Variants in PPRC1 observed in about 807,000 individuals in gnomAD.
PPRC1 encodes peroxisome proliferator-activated receptor gamma coactivator-related protein 1.
In PPRC1, 23 loss-of-function variants were observed where a neutral mutation model predicts 132.5. That is an observed-to-expected ratio of 0.17 (90% CI 0.12 to 0.25). PPRC1 has a LOEUF of 0.25. Ranked by LOEUF, PPRC1 falls within the 10% of genes least tolerant of loss-of-function variation. PPRC1 has a pLI of 1.00. For missense variants in PPRC1, 2,006 were observed against 2,089.1 expected (o/e 0.96, Z 0.78); for synonymous variants, 872 against 833.5 (o/e 1.05, Z -0.80).
chr10:102,122,973 C>T, the PPRC1 span, among the ~76,000 whole-genome samples: 1 of 152,168 alleles, frequency 6.6e-6, no homozygotes, highest in African/African-American at 2.4e-5. Flanking sequence ...TTGAACTTGC[C>T]TGTAAAACAC....
At chr10:102,128,818 G>C (rs2068500221), upstream of PPRC1, among the ~76,000 whole-genome samples, 2 of 149,620 alleles carry the variant, frequency 1.3e-5, no homozygotes, top group Admixed American at 1.3e-4. Flanking sequence ...GTTTCACCAT[G>C]TTAGCCAGGA....
At position 102,148,708 on chromosome 10, in the gene PPRC1, C is replaced by G. The variant is rs1420967559; in HGVS notation, c.4617+14C>G. The G allele has an allele frequency of 6.2e-7, 1 of 1,614,142 alleles. No homozygotes were observed. Among genetic ancestry groups the G allele is most frequent in the Non-Finnish European group, 8.5e-7 (1 of 1,179,980 alleles). ...GAGCGTGCAATAGTGAGTAGAGGAA[C>G]AGATCATGGGAGGATGGGGCTTACC... On this transcript the variant is annotated intron_variant, in intron 11 of 13. Transcript: ENST00000278070. This position sits in a 1 kb window ranked among gnomAD's most constrained non-coding sequence, Gnocchi z 4.2.
Position 102,147,050 on chromosome 10 carries a change from C to A in PPRC1, c.4058C>A (p.Pro1353Gln). The A allele has an allele frequency of 6.2e-7, 1 of 1,614,148 alleles. No individual in the cohort carries two copies. Among genetic ancestry groups the A allele is most frequent in the South Asian group, 1.1e-5 (1 of 91,082 alleles). ...CCATGCATAGCTGCCTCCCGGGAGC[C>A]GCTTGATCACAGGACTAGCAGTGAG... ...PPPCIAASRE[P>Q]LDHRTSSEQA... The change falls in exon 9 of 14, where the codon CCG becomes CAG. Residue 1353 changes from proline (P) to glutamine (Q), a missense_variant. Physicochemically the swap from Pro to Gln is moderately conservative, Grantham distance 76. Transcript: ENST00000278070.
chr10:102,126,026 C>T, the PPRC1 span, among the ~76,000 whole-genome samples: 1 of 152,100 alleles, frequency 6.6e-6, no homozygotes, highest in African/African-American at 2.4e-5. Context: ...CCATGCCCGG[C>T]TAATATTTTG....
At chr10:102,132,080 A>G (rs933993763), upstream of PPRC1, among the ~76,000 whole-genome samples, 5 of 152,194 alleles carry the variant, frequency 3.3e-5, no homozygotes, top group Non-Finnish European at 7.3e-5. Flanking sequence ...AAAGCAAATC[A>G]CCAATTTGTG....
the PPRC1 span, among the ~76,000 whole-genome samples, chr10:102,127,038 TA>T: frequency 1.9e-5 from 1 of 53,748 alleles, no homozygotes; most frequent in Non-Finnish European, 5.7e-5. Context: ...TATATATATA[TA>T]TATATATATA....
intron 7 of PPRC1, 197 bp from the exon 8 acceptor site, chr10:102,144,823 A>T (rs1399817963): frequency 5.3e-6 from 3 of 567,882 alleles, no homozygotes; most frequent in Admixed American, 6.3e-5. Context: ...GCCTCTTGGA[A>T]TTGGGCAGGG....
chr10:102,123,665 G>T, the PPRC1 span, among the ~76,000 whole-genome samples: 2 of 151,850 alleles, frequency 1.3e-5, no homozygotes, highest in East Asian at 3.9e-4. Flanking sequence ...TGAGTAGCTG[G>T]GATTACAGGC....
intron 7 of PPRC1, 100 bp downstream of exon 7, chr10:102,144,407 G>A: frequency 1.7e-6 from 2 of 1,147,748 alleles, no homozygotes; most frequent in South Asian, 1.3e-5. Context: ...CAGGGACGCT[G>A]TAGTCAGCTC....
At position 102,146,661 on chromosome 10, in the gene PPRC1, C is replaced by T; in HGVS notation, c.3680-11C>T. The stretch of plus-strand genomic sequence containing the variant: ...TCATCCTGCTATCTCCATCCTCCCT[C>T]CCCACCACAGGGCTCACCCCTCCAG... On this transcript the variant is annotated splice_polypyrimidine_tract_variant and intron_variant, in intron 8 of 13. Transcript: ENST00000278070. 2 of 1,595,930 alleles carry T rather than the reference C, an allele frequency of 1.3e-6. No homozygotes were observed. Among genetic ancestry groups the T allele is most frequent in the East Asian group, 2.2e-5 (1 of 44,618 alleles).
At chr10:102,132,855 A>C, upstream of PPRC1, 1 of 557,226 alleles carries the variant, frequency 1.8e-6, no homozygotes. Context: ...GCCTGCAGCT[A>C]GTGCCAAACG....
chr10:102,146,745 C>T lies in PPRC1; in HGVS notation c.3753C>T (p.Ala1251=), dbSNP rs1284615623. 2.5e-6 allele frequency: 4 copies of T among 1,614,056 alleles called. No individual in the cohort carries two copies. Among genetic ancestry groups the T allele is most frequent in the Non-Finnish European group, 3.4e-6 (4 of 1,180,004 alleles). ...PLAAVSLLAK[A]KSPKSTAQEG... is the part of the protein sequence containing the mutation. Reference sequence around the variant, plus strand: ...CTGCTGTCTCACTGCTGGCCAAAGCCAAATCTCCTAAGTCCACCGCCCAGG... The same window carrying T: ...CTGCTGTCTCACTGCTGGCCAAAGCTAAATCTCCTAAGTCCACCGCCCAGG... The change falls in exon 9 of 14, where the codon GCC becomes GCT. Residue 1251 remains alanine (A), a synonymous_variant. Coordinates refer to ENST00000278070, the MANE Select transcript of PPRC1 (RefSeq NM_015062.5).
Position 102,147,168 on chromosome 10 carries a change from C to G in PPRC1, c.4176C>G (p.Pro1392=), listed in dbSNP as rs373153969. 1.9e-5 allele frequency: 31 copies of G among 1,614,078 alleles called. No homozygotes were observed. The highest frequency in any genetic ancestry group is 2.5e-5 in the Non-Finnish European group (30 of 1,180,052). Residue 1392 remains proline (P), a synonymous_variant, in exon 9 of 14, where the codon CCC becomes CCG. Transcript: ENST00000278070. ...GGAATGACATGAACACTAGGACTCC[C>G]CCTGAACCCTCAGCCAAGCAGCGGT... ...PCRNDMNTRT[P]PEPSAKQRSM...
Position 102,148,557 on chromosome 10 carries a change from A to T in PPRC1, c.4550+36A>T. ...GTTCAGGGAGCGCCATGCACCTGGG[A>T]TGCAGGTGCCTAAGAGTTGAGTCTT... On this transcript the variant is annotated intron_variant, in intron 10 of 13. Coordinates refer to ENST00000278070, the MANE Select transcript of PPRC1 (RefSeq NM_015062.5). This position sits in a 1 kb window ranked among gnomAD's most constrained non-coding sequence, Gnocchi z 4.2. 6.2e-7 allele frequency: 1 copy of T among 1,610,432 alleles called. No homozygotes were observed. Among genetic ancestry groups the T allele is most frequent in the Non-Finnish European group, 8.5e-7 (1 of 1,176,616 alleles).
At position 102,144,883 on chromosome 10, in the gene PPRC1, GGAA is replaced by G. The variant is rs1449358406; in HGVS notation, c.3609-131_3609-129del. On this transcript the variant is annotated intron_variant, in intron 7 of 13. Coordinates refer to ENST00000278070, the MANE Select transcript of PPRC1 (RefSeq NM_015062.5). Reference sequence around the variant, plus strand: ...TCAGTCAATAAGACCCTTTTGTGCAGGAAGAAGATGATGGAGGCAGTTTGTGCA... The same window carrying G: ...TCAGTCAATAAGACCCTTTTGTGCAGGAAGATGATGGAGGCAGTTTGTGCA... 7 of 703,536 alleles carry G rather than the reference GGAA, an allele frequency of 9.9e-6. No individual in the cohort carries two copies. The East Asian group carries it at 1.6e-4, about 16-fold the overall frequency. The allele number at this position is 703,536 out of a possible 1,614,324, so 43.6% of individuals were successfully genotyped here. A position where few individuals can be genotyped will look rare whatever the true frequency, so the allele number is the denominator to read the frequency against.
chr10:102,128,367 TGACCTC>T (rs1189783089), upstream of PPRC1, among the ~76,000 whole-genome samples: 1 of 151,842 alleles, frequency 6.6e-6, no homozygotes, highest in Non-Finnish European at 1.5e-5. Flanking sequence ...CTCCATCTCC[TGACCTC>T]CCACATTTGA....
In PPRC1 at chr10:102,139,948, G is replaced by A; in HGVS notation, c.1440G>A (p.Arg480=). 1 of 1,614,248 alleles carries A rather than the reference G, an allele frequency of 6.2e-7. No individual in the cohort carries two copies. Residue 480 remains arginine, a synonymous_variant, in exon 5 of 14, where the codon AGG becomes AGA. Coordinates refer to ENST00000278070, the MANE Select transcript of PPRC1 (RefSeq NM_015062.5). ...TGGAAGGCTATGCCAGGAGGCTGAG[G>A]TCATCTTCTCGCGGGCAGTCTACTG... ...ACVEGYARRL[R]SSSRGQSTVG...
the PPRC1 span, among the ~76,000 whole-genome samples, chr10:102,127,049 A>T: frequency 3.5e-5 from 2 of 57,932 alleles, no homozygotes; most frequent in Admixed American, 2.3e-4. Context: ...ATATATATAT[A>T]TATATATATA....
chr10:102,146,435 G>T (rs1160193626), intron 8 of PPRC1, among the ~76,000 whole-genome samples: 1 of 152,100 alleles, frequency 6.6e-6, no homozygotes, highest in African/African-American at 2.4e-5. Flanking sequence ...ACTAGGTTTG[G>T]GTAGTGAGAG....
Sources: allele counts gnomAD v4.1 joint callset (sites outside exome capture counted in the v4.1 genomes callset), GRCh38; gene constraint gnomAD v4.1.1; non-coding constraint Gnocchi (gnomAD v3.1); transcripts MANE v1.5; gene names NCBI Gene and HGNC (gene_info 2026-07-23, HGNC 2026-07-21).